POLN: variants seen among roughly 807,000 people sequenced by gnomAD.
The protein encoded by POLN is DNA polymerase nu, also known as DNA polymerase N.
POLN carries 108 observed loss-of-function variants against 113.5 expected under a neutral mutation model. The ratio of observed to expected loss-of-function variants is 0.95; its 90% CI spans 0.81 to 1.12. POLN has a LOEUF of 1.12. Among genes scored for constraint, POLN ranks in the 50% most tolerant of loss-of-function variants. The pLI is 0.00. For synonymous variants in POLN, 386 were observed against 391.5 expected (o/e 0.99, Z 0.17); for missense variants, 1,097 against 1,077.1 (o/e 1.02, Z -0.26).
intron 19 of POLN, among the ~76,000 whole-genome samples, chr4:2,111,192 C>T (rs1162913026): frequency 6.6e-6 from 1 of 152,134 alleles, no homozygotes; most frequent in Non-Finnish European, 1.5e-5. Flanking sequence ...ATTCAACAAC[C>T]TTCATGCTAA....
intron 4 of POLN, among the ~76,000 whole-genome samples, chr4:2,209,657 C>CTTTT (rs1175117439): frequency 1.2e-3 from 128 of 108,392 alleles, no homozygotes; most frequent in Middle Eastern, 5.3e-3. Context: ...TTTCCTTTTC[C>CTTTT]TTTTTTTTTT....
intron 16 of POLN, among the ~76,000 whole-genome samples, chr4:2,151,953 G>A (rs540503225): frequency 2.5e-4 from 38 of 152,162 alleles, no homozygotes; most frequent in African/African-American, 8.7e-4. Context: ...TCTTAGGAGG[G>A]GGTGTGTGTG....
intron 13 of POLN, among the ~76,000 whole-genome samples, chr4:2,167,137 G>A (rs1732748935): frequency 1.3e-5 from 2 of 152,140 alleles, no homozygotes; most frequent in Admixed American, 1.3e-4. Flanking sequence ...GCTCACGGCT[G>A]TATCCCACAT....
At chr4:2,081,601 A>G (rs1469118943) in intron 22 of POLN, 32 bp downstream of exon 22, 2 of 1,605,562 alleles carry the variant, frequency 1.2e-6, no homozygotes, top group South Asian at 2.2e-5. Context: ...AAGCAAATGG[A>G]CACAGAACTA....
chr4:2,217,643 A>G (rs1413346746), intron 3 of POLN, among the ~76,000 whole-genome samples: 2 of 151,658 alleles, frequency 1.3e-5, no homozygotes, highest in Admixed American at 6.6e-5. Flanking sequence ...AAAAATTTAT[A>G]ATTTGTTTCT....
intron 19 of POLN, among the ~76,000 whole-genome samples, chr4:2,115,247 T>G: frequency 6.7e-6 from 1 of 149,010 alleles, no homozygotes; most frequent in Admixed American, 6.7e-5. Context: ...TTTGTAGTTT[T>G]AGTAGAGATG....
intron 16 of POLN, chr4:2,140,809 C>A (rs993622841): frequency 2.0e-5 from 3 of 152,184 alleles, no homozygotes; most frequent in African/African-American, 7.2e-5. Flanking sequence ...ACAATACTTT[C>A]TTTTCCATTT....
intron 16 of POLN, among the ~76,000 whole-genome samples, chr4:2,144,591 C>T (rs1393363158): frequency 1.3e-5 from 2 of 152,082 alleles, no homozygotes; most frequent in African/African-American, 4.8e-5. Flanking sequence ...ATAATATATA[C>T]ACTACTGGAG....
intron 3 of POLN, among the ~76,000 whole-genome samples, chr4:2,223,261 A>G (rs1032612579): frequency 1.3e-5 from 2 of 152,170 alleles, no homozygotes; most frequent in Non-Finnish European, 2.9e-5. Flanking sequence ...CAACCCCTGA[A>G]GTGAGGACCA....
intron 19 of POLN, among the ~76,000 whole-genome samples, chr4:2,119,463 C>T (rs1315901279): frequency 6.6e-6 from 1 of 152,080 alleles, no homozygotes; most frequent in Non-Finnish European, 1.5e-5. Context: ...CAGTAATCAG[C>T]TCTGAGGTCC....
rs1730721359 is a variant in POLN, at chr4:2,093,908, G to A, written c.2065+1943C>T. 6.6e-6 allele frequency among the ~76,000 whole-genome samples: 1 copy of A among 152,240 alleles called. No individual in the cohort carries two copies. The highest frequency in any genetic ancestry group is 2.4e-5 in the African/African-American group (1 of 41,462). On this transcript the variant is annotated intron_variant, in intron 20 of 25. Transcript: ENST00000511885. The surrounding 1 kb of genome is among the most constrained non-coding windows in gnomAD (Gnocchi z 4.1). ...TTGTTCCTGTGTCTTCTCTGTGCCA[G>A]GCAGTGAGCTAACGTGATGAGCTCC...
intron 16 of POLN, among the ~76,000 whole-genome samples, chr4:2,148,684 G>T (rs982919515): frequency 2.0e-5 from 3 of 147,566 alleles, no homozygotes; most frequent in Admixed American, 6.7e-5. Context: ...AAAAAAAAAA[G>T]TATGTGAATA....
chr4:2,208,528 A>G (rs764841790), intron 4 of POLN, 41 bp from the exon 5 acceptor site: 10 of 1,416,718 alleles, frequency 7.1e-6, no homozygotes, highest in Non-Finnish European at 9.4e-6. Flanking sequence ...ATATGGACTC[A>G]TAAGACAGAT....
At chr4:2,213,013 C>A (rs1423706443) in intron 4 of POLN, 34 bp downstream of exon 4, 1 of 1,448,996 alleles carries the variant, frequency 6.9e-7, no homozygotes, top group Non-Finnish European at 9.6e-7. Context: ...AATAAGTTAT[C>A]TATTTAAAAT....
At chr4:2,101,117 TG>T (rs938786737) in intron 19 of POLN, among the ~76,000 whole-genome samples, 139 of 150,214 alleles carry the variant, frequency 9.3e-4, no homozygotes, top group African/African-American at 3.3e-3. Context: ...ATCACAAAAA[TG>T]GGGTCCAGAT....
chr4:2,196,165 C>T (rs183643928), intron 6 of POLN, among the ~76,000 whole-genome samples: 50 of 152,180 alleles, frequency 3.3e-4, no homozygotes, highest in African/African-American at 1.2e-3. Context: ...ATAAGTATGT[C>T]CCATGCAATA....
chr4:2,199,256 A>G (rs1225662820), intron 5 of POLN, among the ~76,000 whole-genome samples: 1 of 152,212 alleles, frequency 6.6e-6, no homozygotes, highest in Admixed American at 6.5e-5. Context: ...GCTGAAAACT[A>G]TAAAATGCTG....
Position 2,198,573 on chromosome 4 carries a change from G to A in POLN, c.859C>T (p.His287Tyr), listed in dbSNP as rs770954365. 1 of 1,613,448 alleles carries A rather than the reference G, an allele frequency of 6.2e-7. No homozygotes were observed. Among genetic ancestry groups the A allele is most frequent in the Non-Finnish European group, 8.5e-7 (1 of 1,179,772 alleles). The part of the protein sequence containing the change: ...DDPCIYIQIE[H>Y]SAIWDQEQEA... ...TGTTCTTGGTCCCAGATAGCAGAGT[G>A]CTCTATTTGAATGTAGATGCATGGA... The change falls in exon 6 of 26, where the codon CAC becomes TAC. Residue 287 changes from histidine to tyrosine, a missense_variant. Physicochemically the swap from His to Tyr is moderately conservative, Grantham distance 83. Coordinates refer to ENST00000511885, the MANE Select transcript of POLN (RefSeq NM_181808.4).
At chr4:2,079,414 G>A in intron 23 of POLN, 2 of 983,656 alleles carry the variant, frequency 2.0e-6, no homozygotes, top group Non-Finnish European at 2.4e-6. Flanking sequence ...ACACTGTGGG[G>A]CACTAGAGGC....
Sources: gnomAD v4.1 joint callset for allele counts (sites outside exome capture counted in the v4.1 genomes callset) on GRCh38, gnomAD v4.1.1 for gene constraint, Gnocchi (gnomAD v3.1) non-coding constraint, MANE v1.5 for transcripts, NCBI Gene and HGNC (gene_info 2026-07-23, HGNC 2026-07-21) for gene names.